OSBPL1A: variants seen among roughly 807,000 people sequenced by gnomAD.
OSBPL1A encodes the protein oxysterol binding protein like 1A.
A neutral mutation model predicts 137.1 loss-of-function variants in OSBPL1A; 80 were observed. That is an observed-to-expected ratio of 0.58 (90% CI 0.49 to 0.70). The LOEUF is 0.70. OSBPL1A is among the 30% of genes least tolerant of loss of function. The pLI, the probability that OSBPL1A is intolerant of heterozygous loss-of-function variation, is 0.00. For synonymous variants in OSBPL1A, 365 were observed against 389.7 expected (o/e 0.94, Z 0.75); for missense variants, 970 against 1,129.4 (o/e 0.86, Z 2.02).
rs1221868713 is a variant in OSBPL1A at position 24,238,907 on chromosome 18, G to T, written c.1444+313C>A. ...CTCCTTACAATATGTGCTAATGCCT[G>T]GCACTAGGAAATGGTCACCCAGTAA... On this transcript the variant is annotated intron_variant, in intron 16 of 27. Coordinates refer to ENST00000319481, the MANE Select transcript of OSBPL1A (RefSeq NM_080597.4). Among the ~76,000 whole-genome samples the T allele has an allele frequency of 5.9e-5, 9 of 152,294 alleles. No individual in the cohort carries two copies. In the South Asian group the frequency reaches 1.7e-3, roughly 28 times the overall value.
chr18:24,237,807 G>A (rs968583689), intron 16 of OSBPL1A, among the ~76,000 whole-genome samples: 5 of 151,988 alleles, frequency 3.3e-5, no homozygotes, highest in Non-Finnish European at 5.9e-5. Context: ...TTCTCCCTCC[G>A]ACCTCCCTCA....
chr18:24,180,242 T>C (rs117716599), intron 19 of OSBPL1A, among the ~76,000 whole-genome samples: 412 of 152,322 alleles, frequency 2.7e-3, no homozygotes, highest in African/African-American at 7.1e-3. Flanking sequence ...TGCTGACTTA[T>C]ATAGATGAAA....
intron 4 of OSBPL1A, among the ~76,000 whole-genome samples, chr18:24,363,248 G>C (rs1007180121): frequency 6.6e-6 from 1 of 152,072 alleles, no homozygotes; most frequent in African/African-American, 2.4e-5. Context: ...AATAGGTCTT[G>C]TTGGGAAAAA....
chr18:24,288,199 G>A (rs2090104112), intron 14 of OSBPL1A, among the ~76,000 whole-genome samples: 2 of 152,186 alleles, frequency 1.3e-5, no homozygotes, highest in South Asian at 2.1e-4. Flanking sequence ...GAGAAAAAGC[G>A]ATTTCATACC....
intron 1 of OSBPL1A, among the ~76,000 whole-genome samples, chr18:24,396,870 A>G (rs761166816): frequency 2.6e-5 from 4 of 152,230 alleles, no homozygotes; most frequent in Non-Finnish European, 4.4e-5. Flanking sequence ...TTACAGGGCA[A>G]AGACTGAAGT....
At chr18:24,178,353 G>A (rs1306089955) in intron 20 of OSBPL1A, among the ~76,000 whole-genome samples, 158 bp from the exon 21 acceptor site, 7 of 152,046 alleles carry the variant, frequency 4.6e-5, no homozygotes, top group South Asian at 2.1e-4. Context: ...GAGCAGTGGC[G>A]TGATCTTGGC....
chr18:24,353,022 C>T (rs1397987741), intron 4 of OSBPL1A, among the ~76,000 whole-genome samples: 2 of 152,110 alleles, frequency 1.3e-5, no homozygotes, highest in African/African-American at 4.8e-5. Context: ...GACTTCATGT[C>T]TAAAACACCA....
rs1207617759 is a variant in OSBPL1A, at chr18:24,239,352, C to G, written c.1312G>C (p.Glu438Gln). The change falls in exon 16 of 28, where the codon GAA becomes CAA. Residue 438 changes from glutamate (E) to glutamine (Q), a missense_variant. Glu to Gln is a conservative substitution (Grantham distance 29, BLOSUM62 2). Coordinates refer to ENST00000319481, the MANE Select transcript of OSBPL1A (RefSeq NM_080597.4). ...VRNFKLEQEQ[E>Q]KNKILSEALE... Reference sequence around the variant, plus strand: ...GCTTCTGACAAGATTTTGTTTTTTTCTTGCTCTTGTTCCAATTTAAAATTC... The same window carrying G: ...GCTTCTGACAAGATTTTGTTTTTTTGTTGCTCTTGTTCCAATTTAAAATTC... 6.2e-7 allele frequency: 1 copy of G among 1,613,886 alleles called. No individual in the cohort carries two copies. The highest frequency in any genetic ancestry group is 8.5e-7 in the Non-Finnish European group (1 of 1,179,908).
At chr18:24,305,524 C>T (rs894000432) in intron 13 of OSBPL1A, among the ~76,000 whole-genome samples, 2 of 152,176 alleles carry the variant, frequency 1.3e-5, no homozygotes, top group Admixed American at 1.3e-4. Context: ...ATAATATGGT[C>T]TCCCATTTGC....
intron 7 of OSBPL1A, among the ~76,000 whole-genome samples, chr18:24,330,302 CT>C (rs1306671225): frequency 6.6e-6 from 1 of 152,022 alleles, no homozygotes; most frequent in Non-Finnish European, 1.5e-5. Flanking sequence ...GATTTTTCAC[CT>C]TAACCTTTTC....
chr18:24,177,940 C>T, intron 21 of OSBPL1A, 73 bp downstream of exon 21: 1 of 1,409,982 alleles, frequency 7.1e-7, no homozygotes, highest in Non-Finnish European at 9.8e-7. Context: ...ACAGTAAGGT[C>T]AGCTGAGTGT....
chr18:24,238,602 G>A (rs928014123), intron 16 of OSBPL1A, among the ~76,000 whole-genome samples: 3 of 152,106 alleles, frequency 2.0e-5, no homozygotes, highest in Admixed American at 6.5e-5. Context: ...TTAAATATGC[G>A]GAAACTATGA....
At chr18:24,189,660 C>G (rs190270071) in intron 18 of OSBPL1A, among the ~76,000 whole-genome samples, 5 of 152,342 alleles carry the variant, frequency 3.3e-5, no homozygotes, top group Admixed American at 3.3e-4. Context: ...TCAGTTCCCC[C>G]CGCTCCACAC....
intron 18 of OSBPL1A, among the ~76,000 whole-genome samples, chr18:24,194,016 T>C (rs776172453): frequency 2.6e-5 from 4 of 152,204 alleles, no homozygotes; most frequent in Non-Finnish European, 5.9e-5. Flanking sequence ...TTAGTCTCGA[T>C]TTGGACGTAA....
intron 1 of OSBPL1A, among the ~76,000 whole-genome samples, chr18:24,382,406 CAAAAAA>C (rs58654443): frequency 8.1e-5 from 6 of 74,500 alleles, no homozygotes; most frequent in South Asian, 4.9e-4. Flanking sequence ...GACTCCGTCT[CAAAAAA>C]AAAAAAAAAA....
chr18:24,263,905 G>A (rs1237378983), intron 15 of OSBPL1A, among the ~76,000 whole-genome samples: 2 of 152,108 alleles, frequency 1.3e-5, no homozygotes, highest in Non-Finnish European at 2.9e-5. Context: ...CCAAAGTGCT[G>A]GGATTACAGG....
intron 15 of OSBPL1A, among the ~76,000 whole-genome samples, chr18:24,252,472 C>CA (rs1325504224): frequency 6.6e-6 from 1 of 151,524 alleles, no homozygotes; most frequent in Non-Finnish European, 1.5e-5. Context: ...GTATATCTTG[C>CA]AAAAAATATC....
intron 18 of OSBPL1A, among the ~76,000 whole-genome samples, chr18:24,192,675 G>A (rs1423021852): frequency 6.6e-6 from 1 of 152,180 alleles, no homozygotes; most frequent in Non-Finnish European, 1.5e-5. Flanking sequence ...GAGTGAGCCC[G>A]GCTGGGGATG....
Position 24,288,456 on chromosome 18 carries a change from G to A in OSBPL1A, c.1175-7508C>T, listed in dbSNP as rs140941238. 1.8e-4 allele frequency among the ~76,000 whole-genome samples: 27 copies of A among 152,314 alleles called. 1 individual carries two copies. The East Asian group carries it at 4.8e-3, about 27-fold the overall frequency. On this transcript the variant is annotated intron_variant, in intron 14 of 27. Transcript: ENST00000319481. ...CTATTCTGTGGAATATTCCATGGAG[G>A]TAAATGAAGGAATATAAGAGTGGAG...
Sources: allele counts gnomAD v4.1 joint callset (sites outside exome capture counted in the v4.1 genomes callset), GRCh38; gene constraint gnomAD v4.1.1; transcripts MANE v1.5; gene names NCBI Gene and HGNC (gene_info 2026-07-23, HGNC 2026-07-21).